The following UXS1 variants were observed in gnomAD, a reference collection of about 807,000 sequenced individuals.
The protein encoded by UXS1 is UDP-glucuronic acid decarboxylase 1.
Under a neutral mutation model 62.6 loss-of-function variants are expected in UXS1, and 33 were observed. The ratio of observed to expected loss-of-function variants is 0.53; its 90% confidence interval spans 0.40 to 0.70. The LOEUF is 0.70. Ranked by LOEUF, UXS1 falls within the 30% of genes least tolerant of loss-of-function variation. The probability of loss-of-function intolerance (pLI) is 0.00; values close to 1 mark genes in which losing one functional copy is unlikely to be tolerated. For synonymous variants in UXS1, 213 were observed against 206.8 expected, an observed-to-expected ratio of 1.03 and a Z score of -0.26; for missense variants, 434 against 556.3, an observed-to-expected ratio of 0.78 and a Z score of 2.21.
chr2:106,156,268 A>G (rs1011072920), intron 5 of UXS1, among the ~76,000 whole-genome samples: 9 of 152,210 alleles, frequency 5.9e-5, no homozygotes, highest in African/African-American at 2.2e-4. Flanking sequence ...AGAAATGACC[A>G]ATAAGCACAC....
chr2:106,155,264 T>G (rs1225054752), intron 5 of UXS1, among the ~76,000 whole-genome samples: 1 of 152,132 alleles, frequency 6.6e-6, no homozygotes, highest in Non-Finnish European at 1.5e-5. Context: ...GTCAAGAATC[T>G]TATATACGAC....
chr2:106,163,790 A>G (rs1683051302), intron 3 of UXS1, 80 bp from the exon 4 acceptor site: 8 of 887,562 alleles, frequency 9.0e-6, no homozygotes, highest in African/African-American at 3.5e-5. Flanking sequence ...GATGTTTCAG[A>G]TAAGGCAAAA....
At chr2:106,142,563 T>C (rs1046946588) in intron 6 of UXS1, among the ~76,000 whole-genome samples, 7 of 152,204 alleles carry the variant, frequency 4.6e-5, no homozygotes, top group Non-Finnish European at 8.8e-5. Context: ...GGCTGAGGTG[T>C]CTTTTATGGC....
chr2:106,123,065 C>T lies in UXS1; in HGVS notation c.664G>A (p.Asp222Asn). Residue 222 changes from aspartate to asparagine, a missense_variant, in exon 9 of 15, where the codon GAT (aspartate) becomes AAT (asparagine). Coordinates refer to ENST00000283148, the MANE Select transcript of UXS1 (RefSeq NM_001253875.2). ...ATTGGATTCACGTGGCCCCAGTAAT[C>T]CTCACTTTGAGGGTGGACTTCAGGA... ...GDPEVHPQSE[D>N]YWGHVNPIGP... 6.2e-7 allele frequency: 1 copy of T among 1,613,948 alleles called. No homozygotes were observed. Among genetic ancestry groups the T allele is most frequent in the South Asian group, 1.1e-5 (1 of 91,080 alleles).
chr2:106,156,522 C>T (rs1162506022), intron 5 of UXS1, among the ~76,000 whole-genome samples: 2 of 152,166 alleles, frequency 1.3e-5, no homozygotes, highest in African/African-American at 2.4e-5. Flanking sequence ...ATATAACAAA[C>T]GTACAGTCAT....
chr2:106,190,083 GAAC>G (rs1684817629), intron 1 of UXS1, among the ~76,000 whole-genome samples: 1 of 152,202 alleles, frequency 6.6e-6, no homozygotes, highest in African/African-American at 2.4e-5. Context: ...TGATGCTCAT[GAAC>G]ATCATGGGGG....
intron 9 of UXS1, among the ~76,000 whole-genome samples, chr2:106,120,396 C>CCT (rs1488693989): frequency 2.0e-5 from 3 of 152,202 alleles, no homozygotes. Flanking sequence ...CACGGTCCTC[C>CCT]CTGACATAAT....
intron 1 of UXS1, among the ~76,000 whole-genome samples, chr2:106,186,219 T>C (rs1684538589): frequency 6.6e-6 from 1 of 152,132 alleles, no homozygotes; most frequent in Non-Finnish European, 1.5e-5. Flanking sequence ...CTCCACAGAT[T>C]GCATACTGCA....
intron 1 of UXS1, among the ~76,000 whole-genome samples, chr2:106,166,799 A>G (rs924363287): frequency 1.3e-5 from 2 of 150,530 alleles, no homozygotes; most frequent in African/African-American, 4.9e-5. Context: ...GTGGGACTGC[A>G]GGCGTACGCC....
chr2:106,123,096 G>A lies in UXS1; in HGVS notation c.638-5C>T, dbSNP rs150569868. On this transcript the variant is annotated splice_polypyrimidine_tract_variant and splice_region_variant and intron_variant, in intron 8 of 14. Coordinates refer to ENST00000283148, the MANE Select transcript of UXS1 (RefSeq NM_001253875.2). ...TTTGAGGGTGGACTTCAGGATCTAC[G>A]ATGGGAGAAAAGTGAGACTGTTTTC... The A allele has an allele frequency of 7.3e-4, 1,185 of 1,613,646 alleles. 1 individual carries two copies. The highest frequency in any genetic ancestry group is 1.8e-3 in the Admixed American group (106 of 59,996).
intron 1 of UXS1, among the ~76,000 whole-genome samples, chr2:106,185,474 C>T (rs1347945673): frequency 1.3e-5 from 2 of 152,184 alleles, no homozygotes; most frequent in African/African-American, 2.4e-5. Flanking sequence ...TCAATTCTGG[C>T]TCCTTGGAGA....
chr2:106,144,093 T>A (rs1421258026), intron 6 of UXS1, among the ~76,000 whole-genome samples: 1 of 152,266 alleles, frequency 6.6e-6, no homozygotes, highest in East Asian at 1.9e-4. Flanking sequence ...CAGGGAACTG[T>A]GAGAATCTGC....
chr2:106,094,407 C>G (rs983746305), intron 14 of UXS1, among the ~76,000 whole-genome samples: 4 of 152,010 alleles, frequency 2.6e-5, no homozygotes, highest in Non-Finnish European at 4.4e-5. Context: ...CTCTTACTGA[C>G]GTAAAGTGAG....
intron 6 of UXS1, among the ~76,000 whole-genome samples, chr2:106,140,913 G>A (rs1303187815): frequency 1.3e-5 from 2 of 152,152 alleles, no homozygotes; most frequent in Non-Finnish European, 2.9e-5. Context: ...TATACAGACG[G>A]TGGAAAAGTA....
chr2:106,151,724 A>C (rs1041647561), intron 5 of UXS1, among the ~76,000 whole-genome samples: 16 of 152,234 alleles, frequency 1.1e-4, no homozygotes, highest in Non-Finnish European at 1.5e-5. Context: ...GCTACTTGAG[A>C]CACTTATTTC....
At chr2:106,167,876 C>T (rs1683305143) in intron 1 of UXS1, among the ~76,000 whole-genome samples, 1 of 152,070 alleles carries the variant, frequency 6.6e-6, no homozygotes, top group Non-Finnish European at 1.5e-5. Context: ...AGATACAGGT[C>T]ATGGGCCGGG....
At chr2:106,188,152 G>A (rs1317057985) in intron 1 of UXS1, among the ~76,000 whole-genome samples, 1 of 152,066 alleles carries the variant, frequency 6.6e-6, no homozygotes, top group Non-Finnish European at 1.5e-5. Flanking sequence ...TTGAATATAG[G>A]CAATCTATTT....
intron 4 of UXS1, among the ~76,000 whole-genome samples, chr2:106,163,086 C>T (rs1217742849): frequency 6.6e-6 from 1 of 152,166 alleles, no homozygotes; most frequent in Non-Finnish European, 1.5e-5. Flanking sequence ...TGAGGCTCAG[C>T]GGCCTCGGGA....
At chr2:106,104,026 G>A (rs1677831246) in intron 11 of UXS1, among the ~76,000 whole-genome samples, 1 of 152,140 alleles carries the variant, frequency 6.6e-6, no homozygotes, top group Non-Finnish European at 1.5e-5. Context: ...AAGACAGCAG[G>A]AATAACACTT....
Sources: gnomAD v4.1 joint callset for allele counts (sites outside exome capture counted in the v4.1 genomes callset) on GRCh38, gnomAD v4.1.1 for gene constraint, MANE v1.5 for transcripts, NCBI Gene and HGNC (gene_info 2026-07-23, HGNC 2026-07-21) for gene names.